Variants in KAT2B observed in about 807,000 individuals in gnomAD.
KAT2B encodes lysine acetyltransferase 2B.
In KAT2B, 36 loss-of-function variants were observed where a neutral mutation model predicts 105.9. The ratio of observed to expected loss-of-function variants is 0.34; its 90% CI spans 0.26 to 0.45. The LOEUF (loss-of-function observed/expected upper bound fraction) is 0.45. Among genes scored for constraint, KAT2B ranks in the 20% least tolerant of loss-of-function variants. The pLI is 1.00. For synonymous variants in KAT2B, 397 were observed against 377.9 expected (o/e 1.05, Z -0.59); for missense variants, 820 against 1,021.6 (o/e 0.80, Z 2.69).
intron 13 of KAT2B, 37 bp downstream of exon 13, chr3:20,140,401 G>A (rs1361716958): frequency 5.0e-6 from 8 of 1,607,088 alleles, no homozygotes; most frequent in East Asian, 2.2e-5. Context: ...TTCTGTACAG[G>A]CCAGTCTTAG....
chr3:20,143,264 G>A (rs1041226207), intron 13 of KAT2B, among the ~76,000 whole-genome samples: 8 of 152,138 alleles, frequency 5.3e-5, no homozygotes, highest in Non-Finnish European at 1.0e-4. Context: ...CTAGGGAGGT[G>A]AAGTTAATAC....
At chr3:20,058,879 C>T (rs1247049197) in intron 1 of KAT2B, among the ~76,000 whole-genome samples, 11 of 152,172 alleles carry the variant, frequency 7.2e-5, no homozygotes, top group Non-Finnish European at 1.5e-4. Context: ...CTTGGCTACT[C>T]AAAGAGTGGT....
chr3:20,043,151 C>T (rs1230399489), intron 1 of KAT2B, among the ~76,000 whole-genome samples: 7 of 152,250 alleles, frequency 4.6e-5, no homozygotes, highest in East Asian at 3.9e-4. Context: ...GCAATTTGCC[C>T]GCCTTGCTTC....
intron 2 of KAT2B, among the ~76,000 whole-genome samples, chr3:20,079,278 C>G (rs1417017095): frequency 6.8e-6 from 1 of 147,562 alleles, no homozygotes; most frequent in African/African-American, 2.5e-5. Context: ...AATCTCGGCT[C>G]ACTGCAACTT....
At chr3:20,100,428 T>A (rs1263641478) in intron 4 of KAT2B, among the ~76,000 whole-genome samples, 4 of 152,222 alleles carry the variant, frequency 2.6e-5, no homozygotes, top group African/African-American at 9.6e-5. Flanking sequence ...TTATGATTCC[T>A]GGAAAGAAGC....
At chr3:20,079,772 G>C (rs1698487697) in intron 2 of KAT2B, among the ~76,000 whole-genome samples, 1 of 152,130 alleles carries the variant, frequency 6.6e-6, no homozygotes, top group Non-Finnish European at 1.5e-5. Flanking sequence ...GGCCCAGCTA[G>C]CACAATGACA....
chr3:20,111,046 A>C (rs781113807), intron 5 of KAT2B, among the ~76,000 whole-genome samples: 12 of 152,178 alleles, frequency 7.9e-5, no homozygotes, highest in Non-Finnish European at 1.8e-4. Context: ...TTTTAAATAA[A>C]TCTTACATTT....
At chr3:20,063,703 C>A (rs146639164) in intron 1 of KAT2B, among the ~76,000 whole-genome samples, 2 of 151,482 alleles carry the variant, frequency 1.3e-5, no homozygotes, top group African/African-American at 2.4e-5. Context: ...CCACCATGCC[C>A]GGTTAATTTT....
intron 2 of KAT2B, among the ~76,000 whole-genome samples, chr3:20,093,320 C>G (rs1426677664): frequency 6.6e-6 from 1 of 152,202 alleles, no homozygotes; most frequent in Non-Finnish European, 1.5e-5. Flanking sequence ...GTGTAGAACA[C>G]TTACCTCAGA....
rs543747293 is a variant in KAT2B at position 20,092,908 on chromosome 3, G to A, written c.431-2355G>A. On this transcript the variant is annotated intron_variant, in intron 2 of 17. Coordinates refer to ENST00000263754, the MANE Select transcript of KAT2B (RefSeq NM_003884.5). ...GTAGAGATGGGGTTTCACCATATTG[G>A]ACAGGCTGGTCTCGAACTCCTGACC... Among the ~76,000 whole-genome samples, 145 of 151,900 alleles carry A rather than the reference G, an allele frequency of 9.5e-4. 1 individual carries two copies. The highest frequency in any genetic ancestry group is 3.4e-3 in the African/African-American group (140 of 41,406).
intron 1 of KAT2B, among the ~76,000 whole-genome samples, chr3:20,049,472 A>G (rs1156480129): frequency 2.0e-5 from 3 of 152,210 alleles, no homozygotes; most frequent in African/African-American, 4.8e-5. Context: ...TCTTCAAGCT[A>G]CAGTGGTTAC....
intron 6 of KAT2B, 150 bp downstream of exon 6, chr3:20,111,937 A>G (rs2125166398): frequency 1.5e-6 from 1 of 664,838 alleles, no homozygotes; most frequent in Non-Finnish European, 2.5e-6. Flanking sequence ...CCCTTTGTGA[A>G]TCTTCTTGGG....
intron 13 of KAT2B, among the ~76,000 whole-genome samples, chr3:20,141,819 T>C (rs1301076710): frequency 1.3e-5 from 2 of 151,708 alleles, no homozygotes; most frequent in African/African-American, 4.8e-5. Flanking sequence ...CAAACAACTT[T>C]TGTTGCTTTT....
At chr3:20,073,259 C>T (rs1038436795) in intron 2 of KAT2B, among the ~76,000 whole-genome samples, 4 of 152,322 alleles carry the variant, frequency 2.6e-5, no homozygotes, top group African/African-American at 9.6e-5. Context: ...AAAATGTCAA[C>T]AAGGCCAGTT....
rs139524375 is a variant in KAT2B, at chr3:20,099,771, G to A, written c.577-91G>A. ...TGTGTGTGTGTGTAAGAGAGAGAGA[G>A]AGAGACAGACAGAAACAGAAGAGAG... is the stretch of plus-strand genomic sequence containing the variant. On this transcript the variant is annotated intron_variant, in intron 3 of 17. Transcript: ENST00000263754. 971 of 668,754 alleles carry A rather than the reference G, an allele frequency of 1.5e-3. 20 individuals are homozygous for A. In the Admixed American group the frequency reaches 0.02, roughly 14 times the overall value. 41.4% of individuals were successfully genotyped at this position (668,754 alleles called of 1,614,324 possible).
At chr3:20,139,199 G>A (rs1242473044) in intron 12 of KAT2B, among the ~76,000 whole-genome samples, 1 of 149,516 alleles carries the variant, frequency 6.7e-6, no homozygotes, top group African/African-American at 2.5e-5. Context: ...ATAGGCATGA[G>A]CCACTGCACC....
At chr3:20,063,411 A>G (rs940118892) in intron 1 of KAT2B, among the ~76,000 whole-genome samples, 4 of 130,570 alleles carry the variant, frequency 3.1e-5, no homozygotes, top group Admixed American at 7.9e-5. Flanking sequence ...TTTTTTCTGT[A>G]TTTTCTTTTA....
intron 1 of KAT2B, among the ~76,000 whole-genome samples, chr3:20,060,874 G>A (rs1316191180): frequency 6.6e-6 from 1 of 152,130 alleles, no homozygotes; most frequent in Non-Finnish European, 1.5e-5. Flanking sequence ...GAACCCAGGA[G>A]GTTGAGGTTG....
rs568659183 is a variant in KAT2B at position 20,148,279 on chromosome 3, G to C, written c.2193G>C (p.Thr731=). 5 of 1,613,968 alleles carry C rather than the reference G, an allele frequency of 3.1e-6. No individual in the cohort carries two copies. The South Asian group carries it at 3.3e-5, about 11-fold the overall frequency. Residue 731 remains threonine (T), a synonymous_variant, in exon 16 of 18, where the codon ACG becomes ACC. Coordinates refer to ENST00000263754, the MANE Select transcript of KAT2B (RefSeq NM_003884.5). ...EPRDPDQLYS[T]LKSILQQVKS... ...GAGACCCTGACCAGCTTTACAGCACGCTCAAGAGCATCCTCCAGCAGGTGA... is the reference window on the plus strand; with the variant it reads ...GAGACCCTGACCAGCTTTACAGCACCCTCAAGAGCATCCTCCAGCAGGTGA...
Sources: gnomAD v4.1 joint callset for allele counts (sites outside exome capture counted in the v4.1 genomes callset) on GRCh38, gnomAD v4.1.1 for gene constraint, MANE v1.5 for transcripts, NCBI Gene and HGNC (gene_info 2026-07-23, HGNC 2026-07-21) for gene names.